The following WTAP variants were observed in gnomAD, a reference collection of about 807,000 sequenced individuals.
WTAP encodes the protein pre-mRNA-splicing regulator WTAP.
In WTAP, 8 loss-of-function variants were observed where a neutral mutation model predicts 50.0. That is an observed-to-expected ratio of 0.16 (90% confidence interval 0.09 to 0.29). The LOEUF (loss-of-function observed/expected upper bound fraction) is 0.29. WTAP is among the 10% of genes least tolerant of loss of function. The pLI is 1.00. For missense variants in WTAP, 295 were observed against 470.7 expected (o/e 0.63, Z 3.45); for synonymous variants, 194 against 169.0 (o/e 1.15, Z -1.15).
At chr6:159,743,622 T>C (rs752924029) in intron 4 of WTAP, 43 bp from the exon 5 acceptor site, 1 of 1,548,896 alleles carries the variant, frequency 6.5e-7, no homozygotes, top group Non-Finnish European at 8.7e-7. Flanking sequence ...TATTTAGAAC[T>C]TGATCTTAAA....
At chr6:159,752,811 A>G (rs901199055) in intron 6 of WTAP, among the ~76,000 whole-genome samples, 20 of 152,152 alleles carry the variant, frequency 1.3e-4, no homozygotes, top group Admixed American at 8.5e-4. Context: ...ATGCAGTGGC[A>G]TGGTCACAGC....
At chr6:159,731,236 A>C (rs1015737297) in intron 1 of WTAP, among the ~76,000 whole-genome samples, 2 of 152,070 alleles carry the variant, frequency 1.3e-5, no homozygotes, top group African/African-American at 4.8e-5. Flanking sequence ...CCCAAGCAGG[A>C]GGATTCCTGA....
intron 5 of WTAP, chr6:159,745,041 G>A (rs981858259): frequency 6.6e-6 from 1 of 152,146 alleles, no homozygotes; most frequent in African/African-American, 2.4e-5. Context: ...CAGTTTTGTT[G>A]TAATTCTTAC....
In WTAP at chr6:159,755,322, A is replaced by T. The variant is rs1415433000; in HGVS notation, c.902A>T (p.Asp301Val). The T allele has an allele frequency of 2.5e-6, 4 of 1,614,154 alleles. No individual in the cohort carries two copies. The highest frequency in any genetic ancestry group is 3.4e-6 in the Non-Finnish European group (4 of 1,180,062). ...CACAGGGAGGGCAACACAACCGAAG[A>T]TGACTTTCCTTCTTCTCCAGGGAAT... ...GFHREGNTTE[D>V]DFPSSPGNGN... is the part of the protein sequence containing the mutation. The change falls in exon 8 of 8, where the codon GAT (aspartate) becomes GTT (valine). Residue 301 changes from aspartate (D) to valine (V), a missense_variant. This residue lies in a region of WTAP where 175 missense variants were observed against 183.1 expected (regional missense o/e 0.96). Transcript: ENST00000621533.
At chr6:159,743,893 C>T (rs1779407753) in intron 5 of WTAP, 101 bp downstream of exon 5, 2 of 1,262,962 alleles carry the variant, frequency 1.6e-6, no homozygotes. Context: ...AATATAAGAG[C>T]TTATCTTTTA....
At chr6:159,739,184 C>A in intron 3 of WTAP, 139 bp downstream of exon 3, 1 of 630,330 alleles carries the variant, frequency 1.6e-6, no homozygotes, top group South Asian at 2.9e-5. Context: ...TTTGAGCATA[C>A]TATGACCTAT....
At chr6:159,752,597 G>A (rs1331495176) in intron 6 of WTAP, among the ~76,000 whole-genome samples, 6 of 152,070 alleles carry the variant, frequency 3.9e-5, no homozygotes, top group East Asian at 1.9e-4. Context: ...ATTGTGATAC[G>A]TGACCACTGG....
intron 6 of WTAP, among the ~76,000 whole-genome samples, chr6:159,749,849 A>T (rs992444662): frequency 1.3e-5 from 2 of 152,180 alleles, no homozygotes; most frequent in Non-Finnish European, 2.9e-5. Context: ...CTGGAGGTGA[A>T]TTTTTTCCGT....
chr6:159,732,886 AGTGTGTGTGT>A (rs67554039), intron 1 of WTAP, among the ~76,000 whole-genome samples: 2,732 of 146,478 alleles, frequency 0.019, 73 homozygotes, highest in African/African-American at 0.062. Flanking sequence ...ATATATATAT[AGTGTGTGTGT>A]GTGTGTGTGT....
At chr6:159,750,634 C>T (rs1309487256) in intron 6 of WTAP, among the ~76,000 whole-genome samples, 1 of 151,882 alleles carries the variant, frequency 6.6e-6, no homozygotes, top group Non-Finnish European at 1.5e-5. Flanking sequence ...TTTTTTTTTA[C>T]TTGGTCTCTT....
chr6:159,748,155 T>C lies in WTAP; in HGVS notation c.274-36T>C. 1.3e-6 allele frequency: 2 copies of C among 1,588,476 alleles called. No individual in the cohort carries two copies. The highest frequency in any genetic ancestry group is 2.7e-5 in the African/African-American group (2 of 74,252). ...CCCACCTTCTTATGTATGTTTCCTT[T>C]GATTTGGTCGTAATTGTTTCTTTTG... On this transcript the variant is annotated intron_variant, in intron 5 of 7. Transcript: ENST00000621533. The surrounding 1 kb of genome is among the most constrained non-coding windows in gnomAD (Gnocchi z 5.6).
intron 6 of WTAP, 42 bp from the exon 7 acceptor site, chr6:159,753,418 G>A: frequency 6.2e-7 from 1 of 1,613,870 alleles, no homozygotes; most frequent in Non-Finnish European, 8.5e-7. Flanking sequence ...AAGACAGAGA[G>A]TTTTGTCTTC....
In WTAP at chr6:159,753,080, C is replaced by A. The variant is rs116156067; in HGVS notation, c.453-380C>A. 5.4e-3 allele frequency among the ~76,000 whole-genome samples: 819 copies of A among 152,284 alleles called. 6 individuals are homozygous for A. The highest frequency in any genetic ancestry group is 0.019 in the African/African-American group (788 of 41,564). ...GATGTTGCATGTACCTTTTCAAGAA[C>A]TTTTCTGATAAAGCGCTAGATTCCT... On this transcript the variant is annotated intron_variant, in intron 6 of 7. Transcript: ENST00000621533.
chr6:159,744,261 A>G (rs1562461724), intron 5 of WTAP, among the ~76,000 whole-genome samples: 1 of 152,116 alleles, frequency 6.6e-6, no homozygotes, highest in Non-Finnish European at 1.5e-5. Flanking sequence ...ACTGTGTAGT[A>G]TTTACTATGT....
Position 159,748,404 on chromosome 6 carries a change from T to C in WTAP, c.452+35T>C, listed in dbSNP as rs1340971443. 6.2e-7 allele frequency: 1 copy of C among 1,609,066 alleles called. No individual in the cohort carries two copies. The highest frequency in any genetic ancestry group is 1.3e-5 in the African/African-American group (1 of 74,782). On this transcript the variant is annotated intron_variant, in intron 6 of 7. Transcript: ENST00000621533. This position sits in a 1 kb window ranked among gnomAD's most constrained non-coding sequence, Gnocchi z 5.6. ...TCATACTCCCCAGTCAAGACTTCCCTGACAGTCCCACTACGAGAAAGCTGT... is the reference window on the plus strand; with the variant it reads ...TCATACTCCCCAGTCAAGACTTCCCCGACAGTCCCACTACGAGAAAGCTGT...
chr6:159,748,310 T>C lies in WTAP; in HGVS notation c.393T>C (p.Thr131=). Residue 131 remains threonine, a synonymous_variant, in exon 6 of 8, where the codon ACT becomes ACC. Coordinates refer to ENST00000621533, the MANE Select transcript of WTAP (RefSeq NM_001270531.2). The surrounding 1 kb of genome is among the most constrained non-coding windows in gnomAD (Gnocchi z 5.6). ...FLKMKGELEQ[T]KDKLEQAQNE... Reference sequence around the variant, plus strand: ...AAATGAAAGGTGAACTGGAACAGACTAAAGACAAACTGGAACAAGCCCAAA... The same window carrying C: ...AAATGAAAGGTGAACTGGAACAGACCAAAGACAAACTGGAACAAGCCCAAA... 3 of 1,614,024 alleles carry C rather than the reference T, an allele frequency of 1.9e-6. No individual in the cohort carries two copies. Among genetic ancestry groups the C allele is most frequent in the Non-Finnish European group, 2.5e-6 (3 of 1,179,948 alleles).
intron 5 of WTAP, among the ~76,000 whole-genome samples, chr6:159,744,818 T>C (rs771693966): frequency 6.6e-6 from 1 of 152,086 alleles, no homozygotes; most frequent in African/African-American, 2.4e-5. Flanking sequence ...AGTAACTGAT[T>C]TCAGGTGTGC....
At chr6:159,743,046 A>T (rs1779356707) in intron 4 of WTAP, among the ~76,000 whole-genome samples, 2 of 151,902 alleles carry the variant, frequency 1.3e-5, no homozygotes, top group South Asian at 2.1e-4. Flanking sequence ...TTACTATTTT[A>T]TTTATTTATT....
intron 1 of WTAP, among the ~76,000 whole-genome samples, chr6:159,732,853 T>C (rs1778663180): frequency 1.5e-5 from 1 of 67,796 alleles, no homozygotes; most frequent in Non-Finnish European, 2.6e-5. Flanking sequence ...TGCTTCTTTC[T>C]CTCTCTCTCT....
Sources: allele counts gnomAD v4.1 joint callset (sites outside exome capture counted in the v4.1 genomes callset), GRCh38; gene constraint gnomAD v4.1.1; regional missense constraint gnomAD v4.1.1; non-coding constraint Gnocchi (gnomAD v3.1); transcripts MANE v1.5; gene names NCBI Gene and HGNC (gene_info 2026-07-23, HGNC 2026-07-21).